The following NUCB2 variants were observed in gnomAD, a reference collection of about 807,000 sequenced individuals.
The protein encoded by NUCB2 is nucleobindin-2.
Under a neutral mutation model 57.9 loss-of-function variants are expected in NUCB2, and 48 were observed. The ratio of observed to expected loss-of-function variants is 0.83; its 90% CI spans 0.66 to 1.05. NUCB2 has a LOEUF of 1.05. Ranked by LOEUF, NUCB2 falls within the 50% of genes least tolerant of loss-of-function variation. NUCB2 has a pLI of 0.00. For synonymous variants in NUCB2, 139 were observed against 152.1 expected (o/e 0.91, Z 0.64); for missense variants, 442 against 476.2 (o/e 0.93, Z 0.67).
At chr11:17,329,047 T>A (rs1442423950) in intron 11 of NUCB2, among the ~76,000 whole-genome samples, 1 of 152,066 alleles carries the variant, frequency 6.6e-6, no homozygotes, top group African/African-American at 2.4e-5. Flanking sequence ...GGCAGCAGTT[T>A]CCTTTTGGGC....
chr11:17,285,576 C>CAAA (rs1319420352), intron 2 of NUCB2, among the ~76,000 whole-genome samples: 1 of 109,898 alleles, frequency 9.1e-6, no homozygotes, highest in Non-Finnish European at 1.9e-5. Flanking sequence ...GACACTGTCT[C>CAAA]AAAAAAAAAA....
At chr11:17,318,514 C>T (rs1184389064) in intron 11 of NUCB2, among the ~76,000 whole-genome samples, 2 of 151,898 alleles carry the variant, frequency 1.3e-5, no homozygotes, top group East Asian at 1.9e-4. Flanking sequence ...AAGCTTTGTA[C>T]GTGATTAGGG....
chr11:17,324,663 A>G (rs531628576), intron 11 of NUCB2, among the ~76,000 whole-genome samples: 36 of 152,146 alleles, frequency 2.4e-4, no homozygotes, highest in African/African-American at 3.6e-4. Flanking sequence ...TGATCTCCCA[A>G]CCTCAAGTGA....
At chr11:17,282,273 T>TTC (rs1555062025) in intron 1 of NUCB2, among the ~76,000 whole-genome samples, 8 of 144,242 alleles carry the variant, frequency 5.5e-5, no homozygotes, top group East Asian at 4.1e-4. Flanking sequence ...TTTTTTTTTT[T>TTC]CCCAAGACAG....
intron 11 of NUCB2, among the ~76,000 whole-genome samples, chr11:17,317,979 T>TG (rs1949494475): frequency 6.7e-6 from 1 of 149,700 alleles, no homozygotes; most frequent in Non-Finnish European, 1.5e-5. Flanking sequence ...GTCAGCTTTT[T>TG]TTTTTTTTTT....
chr11:17,324,796 T>C (rs1950461867), intron 11 of NUCB2, among the ~76,000 whole-genome samples: 1 of 149,878 alleles, frequency 6.7e-6, no homozygotes, highest in Non-Finnish European at 1.5e-5. Flanking sequence ...ATTTATTTAT[T>C]TATTTATTTA....
At chr11:17,282,260 T>TA (rs1565358945) in intron 1 of NUCB2, among the ~76,000 whole-genome samples, 1,288 of 54,034 alleles carry the variant, frequency 0.024, 11 homozygotes, top group Non-Finnish European at 0.038. Flanking sequence ...ATATATATAT[T>TA]TTTTTTTTTT....
intron 5 of NUCB2, among the ~76,000 whole-genome samples, chr11:17,306,965 A>C (rs182465710): frequency 2.2e-4 from 34 of 152,246 alleles, no homozygotes; most frequent in African/African-American, 7.5e-4. Flanking sequence ...AAACTAAGGA[A>C]TATTGTTTTC....
chr11:17,345,571 G>A (rs1227094439), intron 2 of NUCB2, among the ~76,000 whole-genome samples: 4 of 152,094 alleles, frequency 2.6e-5, no homozygotes, highest in African/African-American at 9.7e-5. Flanking sequence ...GCCGGGCGTG[G>A]TGGTGGGCGC....
chr11:17,345,702 G>A (rs10832771), intron 2 of NUCB2, among the ~76,000 whole-genome samples: 32,006 of 151,972 alleles, frequency 0.21, 4,455 homozygotes, highest in East Asian at 0.5. Flanking sequence ...GCGACACTCC[G>A]TCTCAAAAAA....
intron 2 of NUCB2, among the ~76,000 whole-genome samples, chr11:17,347,163 G>A (rs1591660294): frequency 6.6e-6 from 1 of 152,222 alleles, no homozygotes; most frequent in African/African-American, 2.4e-5. Flanking sequence ...ACAACCTGAA[G>A]CAAAGGCAGG....
At chr11:17,325,891 T>C (rs375199139) in intron 11 of NUCB2, among the ~76,000 whole-genome samples, 2 of 152,228 alleles carry the variant, frequency 1.3e-5, no homozygotes, top group African/African-American at 4.8e-5. Flanking sequence ...TTATAACCCA[T>C]TATTTTAAAT....
chr11:17,282,327 C>T (rs796085721), intron 1 of NUCB2, among the ~76,000 whole-genome samples: 46 of 147,400 alleles, frequency 3.1e-4, no homozygotes, highest in African/African-American at 9.4e-4. Context: ...GGCATCATTT[C>T]GGTTCACTGC....
chr11:17,342,061 A>G (rs1471620071), intron 2 of NUCB2, among the ~76,000 whole-genome samples: 1 of 152,170 alleles, frequency 6.6e-6, no homozygotes, highest in Non-Finnish European at 1.5e-5. Flanking sequence ...GTATGCGTTG[A>G]GGAATTTATG....
intron 5 of NUCB2, among the ~76,000 whole-genome samples, chr11:17,308,252 C>T (rs897404422): frequency 6.6e-6 from 1 of 152,044 alleles, no homozygotes; most frequent in African/African-American, 2.4e-5. Flanking sequence ...TCTTAAGGGG[C>T]AACTATATTT....
intron 8 of NUCB2, 177 bp from the exon 9 acceptor site, chr11:17,311,695 A>G (rs1483038187): frequency 4.0e-6 from 2 of 500,506 alleles, no homozygotes; most frequent in Non-Finnish European, 7.1e-6. Flanking sequence ...AAATAAATAC[A>G]GCATATTTAT....
rs187489546 is a variant in NUCB2 at position 17,326,854 on chromosome 11, A to T, written c.1003-3273A>T. 2.3e-3 allele frequency among the ~76,000 whole-genome samples: 353 copies of T among 152,224 alleles called. 2 individuals carry two copies. Among genetic ancestry groups the T allele is most frequent in the African/African-American group, 8.1e-3 (335 of 41,544 alleles). On this transcript the variant is annotated intron_variant, in intron 11 of 13. Transcript: ENST00000529010. The stretch of plus-strand genomic sequence containing the variant: ...TCTCATTAACATCCTTTTATTTCAG[A>T]TTGAAGAACTACCTTTCACATTTCT...
chr11:17,333,678 A>ATGGC (rs1440786352), downstream of NUCB2: 1 of 152,166 alleles, frequency 6.6e-6, no homozygotes, highest in African/African-American at 2.4e-5. Flanking sequence ...TTCCCCTAGG[A>ATGGC]TGGCTCCTAT....
intron 10 of NUCB2, among the ~76,000 whole-genome samples, chr11:17,313,293 G>A (rs1354347174): frequency 6.6e-6 from 1 of 151,986 alleles, no homozygotes; most frequent in East Asian, 1.9e-4. Context: ...ACTTTGGGAG[G>A]CCGTGGCAGG....
Sources: allele counts gnomAD v4.1 joint callset (sites outside exome capture counted in the v4.1 genomes callset), GRCh38; gene constraint gnomAD v4.1.1; transcripts MANE v1.5; gene names NCBI Gene and HGNC (gene_info 2026-07-23, HGNC 2026-07-21).